SEZ6L: variants seen among roughly 807,000 people sequenced by gnomAD.
SEZ6L encodes the protein seizure related 6 homolog like.
SEZ6L carries 37 observed loss-of-function variants against 106.2 expected under a neutral mutation model. The ratio of observed to expected loss-of-function variants is 0.35; its 90% CI spans 0.27 to 0.46. SEZ6L has a LOEUF of 0.46. Ranked by LOEUF, SEZ6L falls within the 20% of genes least tolerant of loss-of-function variation. The pLI, the probability that SEZ6L is intolerant of heterozygous loss-of-function variation, is 1.00. For missense variants in SEZ6L, 1,172 were observed against 1,332.8 expected (o/e 0.88, Z 1.88); for synonymous variants, 541 against 570.4 (o/e 0.95, Z 0.73).
intron 1 of SEZ6L, among the ~76,000 whole-genome samples, chr22:26,255,279 A>C (rs898231191): frequency 6.6e-6 from 1 of 152,162 alleles, no homozygotes; most frequent in Non-Finnish European, 1.5e-5. Flanking sequence ...CTGCATTTAC[A>C]AACTTGCCTT....
At chr22:26,368,756 A>AG (rs397961352) in intron 13 of SEZ6L, among the ~76,000 whole-genome samples, 1 of 151,878 alleles carries the variant, frequency 6.6e-6, no homozygotes, top group East Asian at 1.9e-4. Flanking sequence ...AAAAAAAAAA[A>AG]CAATTCCCCT....
chr22:26,348,652 AAG>A (rs1297008643), intron 11 of SEZ6L, among the ~76,000 whole-genome samples: 106 of 44,798 alleles, frequency 2.4e-3, no homozygotes, highest in Non-Finnish European at 3.0e-3. Flanking sequence ...AAGAAAAAGA[AAG>A]AAAGAAAGAA....
intron 1 of SEZ6L, among the ~76,000 whole-genome samples, chr22:26,203,345 T>C (rs960947280): frequency 1.3e-5 from 2 of 152,236 alleles, no homozygotes; most frequent in African/African-American, 4.8e-5. Flanking sequence ...ATCCCAGATA[T>C]GTTCCTTCAC....
chr22:26,365,339 T>A, intron 12 of SEZ6L, 33 bp from the exon 13 acceptor site: 2 of 1,576,630 alleles, frequency 1.3e-6, no homozygotes, highest in South Asian at 2.3e-5. Context: ...ATTTGCATCA[T>A]CTCATCAGAG....
chr22:26,230,321 A>G (rs1944494239), intron 1 of SEZ6L, among the ~76,000 whole-genome samples: 1 of 150,348 alleles, frequency 6.7e-6, no homozygotes, highest in Non-Finnish European at 1.5e-5. Context: ...CATAAAGGTA[A>G]AAAAAAAAAC....
intron 14 of SEZ6L, 87 bp downstream of exon 14, chr22:26,373,570 G>A (rs2084116381): frequency 2.0e-6 from 2 of 1,011,424 alleles, no homozygotes; most frequent in Non-Finnish European, 3.0e-6. Context: ...TCTTTATTTA[G>A]ACACTTAAAA....
In SEZ6L at chr22:26,310,742, T is replaced by C. The variant is rs1313756997; in HGVS notation, c.1587T>C (p.Pro529=). 1 of 1,614,068 alleles carries C rather than the reference T, an allele frequency of 6.2e-7. No individual in the cohort carries two copies. The highest frequency in any genetic ancestry group is 8.5e-7 in the Non-Finnish European group (1 of 1,179,998). Residue 529 remains proline, a synonymous_variant, in exon 7 of 17, where the codon CCT becomes CCC. Coordinates refer to ENST00000248933, the MANE Select transcript of SEZ6L (RefSeq NM_021115.5). ...LYDSLQTESV[P]FEGLLSEGNT... Reference sequence around the variant, plus strand: ...ACTCCCTTCAAACCGAGAGTGTCCCTTTTGAGGGCCTGCTGAGCGAAGGCA... The same window carrying C: ...ACTCCCTTCAAACCGAGAGTGTCCCCTTTGAGGGCCTGCTGAGCGAAGGCA...
At chr22:26,293,218 G>C (rs978931293) in intron 2 of SEZ6L, 72 bp downstream of exon 2, 7 of 1,442,360 alleles carry the variant, frequency 4.9e-6, no homozygotes, top group Non-Finnish European at 4.5e-6. Context: ...GGGCATGTGG[G>C]TAGAGGAATC....
At chr22:26,268,064 G>A (rs1286015898) in intron 1 of SEZ6L, among the ~76,000 whole-genome samples, 2 of 152,184 alleles carry the variant, frequency 1.3e-5, no homozygotes, top group African/African-American at 2.4e-5. Flanking sequence ...GCTTTTCAGG[G>A]CAATTTAATG....
chr22:26,178,955 G>A (rs1210225465), intron 1 of SEZ6L, among the ~76,000 whole-genome samples: 4 of 152,126 alleles, frequency 2.6e-5, no homozygotes, highest in Non-Finnish European at 5.9e-5. Context: ...GCTATGGTTG[G>A]AATATTTATG....
intron 1 of SEZ6L, among the ~76,000 whole-genome samples, chr22:26,275,943 G>A: frequency 6.6e-6 from 1 of 152,138 alleles, no homozygotes; most frequent in East Asian, 1.9e-4. Context: ...AGGCTGGCTG[G>A]AGGAGAGACA....
In SEZ6L at chr22:26,202,241, G is replaced by T. The variant is rs1445221349; in HGVS notation, c.94+32478G>T. Among the ~76,000 whole-genome samples the T allele has an allele frequency of 2.0e-5, 3 of 152,022 alleles. No homozygotes were observed. In the East Asian group the frequency reaches 5.8e-4, roughly 29 times the overall value. On this transcript the variant is annotated intron_variant, in intron 1 of 16. Transcript: ENST00000248933. ...GTCAGATTTTTTTATTCTCTCTCAT[G>T]CCTGCATCTATCTGCACATACATTC...
At chr22:26,273,491 C>T (rs1004469559) in intron 1 of SEZ6L, among the ~76,000 whole-genome samples, 3 of 152,380 alleles carry the variant, frequency 2.0e-5, no homozygotes, top group South Asian at 2.1e-4. Flanking sequence ...CACACACATC[C>T]GAGGCATTGT....
chr22:26,378,668 T>C (rs2084312082), intron 16 of SEZ6L, among the ~76,000 whole-genome samples: 1 of 152,012 alleles, frequency 6.6e-6, no homozygotes, highest in African/African-American at 2.4e-5. Context: ...GCTTGGACAA[T>C]GGGCTGAAGA....
rs567896397 is a variant in SEZ6L, at chr22:26,212,861, A to C, written c.94+43098A>C. The stretch of plus-strand genomic sequence containing the variant: ...ATAAGACTGCAAATGGTGGCCATGC[A>C]TCAATCAGAGTGGGATTAGAGTGAG... On this transcript the variant is annotated intron_variant, in intron 1 of 16. Coordinates refer to ENST00000248933, the MANE Select transcript of SEZ6L (RefSeq NM_021115.5). Among the ~76,000 whole-genome samples, 21 of 152,322 alleles carry C rather than the reference A, an allele frequency of 1.4e-4. No individual in the cohort carries two copies. In the South Asian group the frequency reaches 3.1e-3, roughly 23 times the overall value.
chr22:26,213,341 G>A (rs994901559), intron 1 of SEZ6L, among the ~76,000 whole-genome samples: 1 of 152,186 alleles, frequency 6.6e-6, no homozygotes, highest in African/African-American at 2.4e-5. Context: ...GGTGGTCCTG[G>A]ACATGAACCC....
At chr22:26,299,876 T>G (rs1222744783) in intron 5 of SEZ6L, among the ~76,000 whole-genome samples, 1 of 152,242 alleles carries the variant, frequency 6.6e-6, no homozygotes, top group South Asian at 2.1e-4. Flanking sequence ...GGTCATTGTA[T>G]GTATAACTTT....
intron 12 of SEZ6L, among the ~76,000 whole-genome samples, chr22:26,363,146 T>C (rs538146362): frequency 2.6e-5 from 4 of 152,328 alleles, no homozygotes; most frequent in African/African-American, 9.6e-5. Flanking sequence ...GAACCCAGTA[T>C]TGCCCAATCT....
chr22:26,237,813 A>AT (rs552131962), intron 1 of SEZ6L, among the ~76,000 whole-genome samples: 16 of 150,370 alleles, frequency 1.1e-4, no homozygotes, highest in South Asian at 2.1e-4. Context: ...AATGATTTGG[A>AT]TTTTTTTTTT....
Sources: allele counts gnomAD v4.1 joint callset (sites outside exome capture counted in the v4.1 genomes callset), GRCh38; gene constraint gnomAD v4.1.1; transcripts MANE v1.5; gene names NCBI Gene and HGNC (gene_info 2026-07-23, HGNC 2026-07-21).